The following PPARD variants were observed in gnomAD, a reference collection of about 807,000 sequenced individuals.
The protein encoded by PPARD is peroxisome proliferator-activated receptor delta.
PPARD carries 6 observed loss-of-function variants against 39.5 expected under a neutral mutation model. The observed-to-expected ratio is 0.15, with a 90% CI of 0.08 to 0.30. The LOEUF is 0.30. Among genes scored for constraint, PPARD ranks in the 10% least tolerant of loss-of-function variants. The pLI is 1.00. For missense variants in PPARD, 397 were observed against 596.8 expected (o/e 0.67, Z 3.49); for synonymous variants, 210 against 231.3 (o/e 0.91, Z 0.83).
chr6:35,407,939 A>G (rs1004101028), intron 2 of PPARD, among the ~76,000 whole-genome samples: 3 of 152,054 alleles, frequency 2.0e-5, no homozygotes, highest in Non-Finnish European at 2.9e-5. Flanking sequence ...TATGTCTCCT[A>G]TTTTAAATTA....
intron 2 of PPARD, among the ~76,000 whole-genome samples, chr6:35,372,732 A>C (rs1239880458): frequency 6.6e-6 from 1 of 152,196 alleles, no homozygotes. Context: ...GATAGATGAC[A>C]AAGTGGGTAA....
intron 1 of PPARD, among the ~76,000 whole-genome samples, chr6:35,343,749 C>T (rs1358423129): frequency 6.6e-6 from 1 of 152,192 alleles, no homozygotes; most frequent in Non-Finnish European, 1.5e-5. Flanking sequence ...ATGTGTGCCA[C>T]GGGTAGCCGG....
intron 5 of PPARD, 126 bp from the exon 6 acceptor site, chr6:35,423,820 A>T: frequency 1.2e-6 from 1 of 801,378 alleles, no homozygotes; most frequent in East Asian, 2.7e-5. Context: ...TACCTTGCTG[A>T]CTCTAGAGCT....
chr6:35,399,112 C>CA (rs1298010920), intron 2 of PPARD, among the ~76,000 whole-genome samples: 5 of 146,616 alleles, frequency 3.4e-5, no homozygotes, highest in African/African-American at 1.0e-4. Flanking sequence ...CCCTGTCCCC[C>CA]AAAAAAAAGG....
intron 3 of PPARD, among the ~76,000 whole-genome samples, chr6:35,417,360 G>A (rs138881423): frequency 7.6e-4 from 116 of 151,948 alleles, no homozygotes; most frequent in Non-Finnish European, 1.5e-3. Flanking sequence ...GGTATACGAT[G>A]GCACAATCAC....
intron 2 of PPARD, among the ~76,000 whole-genome samples, chr6:35,388,389 G>A (rs1251901926): frequency 2.0e-5 from 3 of 152,100 alleles, no homozygotes; most frequent in Non-Finnish European, 4.4e-5. Context: ...CTTCCGGGAA[G>A]GGGATGGAAC....
At chr6:35,400,626 C>T (rs1764643541) in intron 2 of PPARD, among the ~76,000 whole-genome samples, 1 of 151,914 alleles carries the variant, frequency 6.6e-6, no homozygotes, top group Non-Finnish European at 1.5e-5. Flanking sequence ...ATGGCAAAAC[C>T]CCGTCTCTAC....
intron 2 of PPARD, among the ~76,000 whole-genome samples, chr6:35,350,030 C>T (rs1761142522): frequency 6.6e-6 from 1 of 152,204 alleles, no homozygotes. Flanking sequence ...GCATGAGCTA[C>T]CACACCCGGC....
Position 35,412,524 on chromosome 6 carries a change from G to A in PPARD, c.130+1307G>A, listed in dbSNP as rs1765496456. Among the ~76,000 whole-genome samples the A allele has an allele frequency of 6.6e-6, 1 of 152,258 alleles. No homozygotes were observed. Among genetic ancestry groups the A allele is most frequent in the Non-Finnish European group, 1.5e-5 (1 of 68,046 alleles). On this transcript the variant is annotated intron_variant, in intron 3 of 7. Coordinates refer to ENST00000360694, the MANE Select transcript of PPARD (RefSeq NM_006238.5). This position sits in a 1 kb window ranked among gnomAD's most constrained non-coding sequence, Gnocchi z 4.1. ...GTGTCCAAGCTAAGGCAGGGTGAAGGCTGTGGAGGTAGCGCAGGCTCCTGT... is the reference window on the plus strand; with the variant it reads ...GTGTCCAAGCTAAGGCAGGGTGAAGACTGTGGAGGTAGCGCAGGCTCCTGT...
chr6:35,388,988 G>A (rs548855221), intron 2 of PPARD, among the ~76,000 whole-genome samples: 2 of 152,266 alleles, frequency 1.3e-5, no homozygotes, highest in African/African-American at 2.4e-5. Context: ...ACAACAGCAG[G>A]CAAAACTAGC....
Position 35,424,818 on chromosome 6 carries a change from C to T in PPARD, c.1078+39C>T. ...GGGCAGGTGGGCTGGCCTGGCACAC[C>T]CAGTCGTCCTGGGGGTTGGCCCTCA... On this transcript the variant is annotated intron_variant, in intron 7 of 7. Coordinates refer to ENST00000360694, the MANE Select transcript of PPARD (RefSeq NM_006238.5). This position sits in a 1 kb window ranked among gnomAD's most constrained non-coding sequence, Gnocchi z 7.1. 6.3e-7 allele frequency: 1 copy of T among 1,598,328 alleles called. No homozygotes were observed.
chr6:35,418,331 C>T (rs1336789856), intron 3 of PPARD, among the ~76,000 whole-genome samples: 1 of 38,592 alleles, frequency 2.6e-5, no homozygotes, highest in Non-Finnish European at 4.9e-5. Context: ...GTTTTATTGT[C>T]CCTGTTATAA....
chr6:35,396,197 TTTC>T (rs574172381), intron 2 of PPARD, among the ~76,000 whole-genome samples: 30 of 151,972 alleles, frequency 2.0e-4, no homozygotes, highest in Middle Eastern at 3.4e-3. Flanking sequence ...AAGTATTTTA[TTTC>T]TTCTTCTTCT....
chr6:35,424,169 G>A lies in PPARD; in HGVS notation c.627+21G>A. On this transcript the variant is annotated intron_variant, in intron 6 of 7. Transcript: ENST00000360694. This position sits in a 1 kb window ranked among gnomAD's most constrained non-coding sequence, Gnocchi z 7.1. Reference sequence around the variant, plus strand: ...CGGCGGTGAGTGTTGCTGCTGCTTGGCCTGGCAGCATCCTGGGCTCTGGGT... The same window carrying A: ...CGGCGGTGAGTGTTGCTGCTGCTTGACCTGGCAGCATCCTGGGCTCTGGGT... The A allele has an allele frequency of 6.2e-7, 1 of 1,610,598 alleles. No homozygotes were observed.
chr6:35,367,717 A>G (rs1044421536), intron 2 of PPARD, among the ~76,000 whole-genome samples: 4 of 152,204 alleles, frequency 2.6e-5, no homozygotes, highest in Non-Finnish European at 4.4e-5. Context: ...TGTAATGTCC[A>G]AGGCAGCTTC....
chr6:35,372,753 T>C (rs958153511), intron 2 of PPARD, among the ~76,000 whole-genome samples: 2 of 152,222 alleles, frequency 1.3e-5, no homozygotes, highest in Non-Finnish European at 2.9e-5. Flanking sequence ...GAGCATGTGC[T>C]CTGGAGTTAG....
At chr6:35,404,802 A>C (rs1764924383) in intron 2 of PPARD, among the ~76,000 whole-genome samples, 2 of 152,106 alleles carry the variant, frequency 1.3e-5, no homozygotes, top group African/African-American at 2.4e-5. Context: ...GCTTCTAACT[A>C]CCACTGCCCA....
Position 35,424,182 on chromosome 6 carries a change from C to G in PPARD, c.627+34C>G. The G allele has an allele frequency of 6.2e-7, 1 of 1,608,454 alleles. No homozygotes were observed. The highest frequency in any genetic ancestry group is 1.1e-5 in the South Asian group (1 of 90,868). On this transcript the variant is annotated intron_variant, in intron 6 of 7. Transcript: ENST00000360694. This position sits in a 1 kb window ranked among gnomAD's most constrained non-coding sequence, Gnocchi z 7.1. ...TGCTGCTGCTTGGCCTGGCAGCATC[C>G]TGGGCTCTGGGTCCCACTGCCGCCT...
chr6:35,392,887 T>A (rs1764098082), intron 2 of PPARD, among the ~76,000 whole-genome samples: 1 of 152,088 alleles, frequency 6.6e-6, no homozygotes, highest in Admixed American at 6.5e-5. Flanking sequence ...CTGCTCCTCA[T>A]GTTACCCTGG....
Sources: gnomAD v4.1 joint callset for allele counts (sites outside exome capture counted in the v4.1 genomes callset) on GRCh38, gnomAD v4.1.1 for gene constraint, Gnocchi (gnomAD v3.1) non-coding constraint, MANE v1.5 for transcripts, NCBI Gene and HGNC (gene_info 2026-07-23, HGNC 2026-07-21) for gene names.